BRINP1: variants seen among roughly 807,000 people sequenced by gnomAD.
BRINP1 encodes BMP/retinoic acid inducible neural specific 1.
In BRINP1, 17 loss-of-function variants were observed where a neutral mutation model predicts 72.9. The observed-to-expected ratio is 0.23, with a 90% confidence interval of 0.16 to 0.35. The LOEUF (loss-of-function observed/expected upper bound fraction) is 0.35, where lower values mean the gene tolerates loss of function less well. BRINP1 is among the 10% of genes least tolerant of loss of function. The pLI is 1.00. For synonymous variants in BRINP1, 418 were observed against 378.5 expected, an observed-to-expected ratio of 1.10 and a Z score of -1.21; for missense variants, 850 against 1,001.6, an observed-to-expected ratio of 0.85 and a Z score of 2.04.
At chr9:119,348,875 A>G (rs1221235443) in intron 1 of BRINP1, among the ~76,000 whole-genome samples, 3 of 152,220 alleles carry the variant, frequency 2.0e-5, no homozygotes, top group Non-Finnish European at 2.9e-5. Context: ...CAAACAAATC[A>G]AATCACTGAC....
chr9:119,318,141 C>G (rs528934172), intron 1 of BRINP1, among the ~76,000 whole-genome samples: 1 of 152,216 alleles, frequency 6.6e-6, no homozygotes, highest in Non-Finnish European at 1.5e-5. Context: ...AAACTAGCTA[C>G]TCTCGCTCAG....
intron 6 of BRINP1, among the ~76,000 whole-genome samples, chr9:119,212,105 A>T (rs1203852196): frequency 6.6e-6 from 1 of 152,026 alleles, no homozygotes; most frequent in Non-Finnish European, 1.5e-5. Context: ...GTACATTTCC[A>T]TCATGAACTT....
At chr9:119,169,559 C>G (rs1036304195) in intron 7 of BRINP1, among the ~76,000 whole-genome samples, 1 of 152,204 alleles carries the variant, frequency 6.6e-6, no homozygotes, top group South Asian at 2.1e-4. Flanking sequence ...GGGGGAGGGG[C>G]GCCCGCCATT....
intron 3 of BRINP1, 62 bp downstream of exon 3, chr9:119,248,898 C>T (rs1487131641): frequency 1.3e-5 from 19 of 1,436,658 alleles, no homozygotes; most frequent in South Asian, 2.5e-5. Context: ...ACATCCCACT[C>T]TCCCTTCCCA....
At chr9:119,243,115 TAA>T (rs1213301451) in intron 3 of BRINP1, among the ~76,000 whole-genome samples, 2 of 152,044 alleles carry the variant, frequency 1.3e-5, no homozygotes, top group Non-Finnish European at 2.9e-5. Context: ...GTTACATAGG[TAA>T]ACAAACGTAT....
In BRINP1 at chr9:119,367,177, C is replaced by T. The variant is rs10984509; in HGVS notation, c.-51+1879G>A. On this transcript the variant is annotated intron_variant, in intron 1 of 7. Coordinates refer to ENST00000265922, the MANE Select transcript of BRINP1 (RefSeq NM_014618.3). ...AAATACATGTTTGCTTTTATCTCTC[C>T]CCAGAATATGAACACATGTGTGTGT... Among the ~76,000 whole-genome samples the T allele has an allele frequency of 3.0e-4, 38 of 128,480 alleles. 1 individual carries two copies. In the East Asian group the frequency reaches 0.011, roughly 36 times the overall value. The allele number at this position is 128,480 out of a possible 152,430, so 84.3% of individuals were successfully genotyped here.
At chr9:119,175,119 TAAAAA>T (rs35857917) in intron 7 of BRINP1, among the ~76,000 whole-genome samples, 2 of 62,674 alleles carry the variant, frequency 3.2e-5, no homozygotes, top group Non-Finnish European at 3.7e-5. Context: ...AAGTAAAGTA[TAAAAA>T]AAAAAAAAGA....
intron 2 of BRINP1, among the ~76,000 whole-genome samples, chr9:119,257,096 A>G (rs1830453920): frequency 6.6e-6 from 1 of 152,236 alleles, no homozygotes; most frequent in Non-Finnish European, 1.5e-5. Context: ...AGTGTCTCTG[A>G]GCTTCCTTGC....
At chr9:119,198,580 C>A (rs950028946) in intron 7 of BRINP1, among the ~76,000 whole-genome samples, 1 of 152,098 alleles carries the variant, frequency 6.6e-6, no homozygotes, top group African/African-American at 2.4e-5. Context: ...CCAACAGAAA[C>A]ATCCACTTCT....
intron 7 of BRINP1, among the ~76,000 whole-genome samples, chr9:119,186,764 G>C (rs1829625743): frequency 6.6e-6 from 1 of 152,164 alleles, no homozygotes; most frequent in Non-Finnish European, 1.5e-5. Context: ...GCGCAGTAAA[G>C]CCAATATTGC....
At chr9:119,271,438 T>C (rs1309189485) in intron 2 of BRINP1, among the ~76,000 whole-genome samples, 1 of 152,174 alleles carries the variant, frequency 6.6e-6, no homozygotes, top group African/African-American at 2.4e-5. Flanking sequence ...ATTATGCAAC[T>C]ATCATTGATT....
chr9:119,357,590 T>C (rs777480011), intron 1 of BRINP1, among the ~76,000 whole-genome samples: 5 of 152,076 alleles, frequency 3.3e-5, no homozygotes, highest in Admixed American at 6.6e-5. Flanking sequence ...GGCTATGAAG[T>C]TGGCAGCCAG....
At chr9:119,239,219 C>A (rs551621461) in intron 4 of BRINP1, among the ~76,000 whole-genome samples, 1 of 152,166 alleles carries the variant, frequency 6.6e-6, no homozygotes, top group Non-Finnish European at 1.5e-5. Context: ...GGTCTAAACG[C>A]CTGGCACATG....
chr9:119,176,058 C>T (rs1829485108), intron 7 of BRINP1, among the ~76,000 whole-genome samples: 1 of 152,182 alleles, frequency 6.6e-6, no homozygotes, highest in Non-Finnish European at 1.5e-5. Flanking sequence ...GAAGGCTTAA[C>T]CCCAAACTTG....
At position 119,167,717 on chromosome 9, in the gene BRINP1, C is replaced by T. The variant is rs1019963286; in HGVS notation, c.1653G>A (p.Met551Ile). Residue 551 changes from methionine to isoleucine, a missense_variant, in exon 8 of 8, where the codon ATG becomes ATA. Met to Ile is a conservative substitution (Grantham distance 10, BLOSUM62 1). Transcript: ENST00000265922. This position sits in a 1 kb window ranked among gnomAD's most constrained non-coding sequence, Gnocchi z 4.3. ...ACATGGGGTCCAGGCTGCTGTTGCG[C>T]ATCTGGCAGATGCGCATGGACATGC... is the stretch of plus-strand genomic sequence containing the variant. ...VIGMSMRICQ[M>I]RNSSLDPMFF... The T allele has an allele frequency of 4.3e-6, 7 of 1,614,098 alleles. No individual in the cohort carries two copies. The highest frequency in any genetic ancestry group is 5.9e-6 in the Non-Finnish European group (7 of 1,180,010).
At chr9:119,186,768 A>G (rs1168406871) in intron 7 of BRINP1, among the ~76,000 whole-genome samples, 1 of 152,090 alleles carries the variant, frequency 6.6e-6, no homozygotes, top group Non-Finnish European at 1.5e-5. Flanking sequence ...AGTAAAGCCA[A>G]TATTGCACTG....
At chr9:119,323,599 A>G (rs993641609) in intron 1 of BRINP1, among the ~76,000 whole-genome samples, 2 of 152,210 alleles carry the variant, frequency 1.3e-5, no homozygotes, top group African/African-American at 2.4e-5. Flanking sequence ...TCCCAGAGAA[A>G]AAGGAAAACT....
intron 2 of BRINP1, among the ~76,000 whole-genome samples, chr9:119,297,665 T>C (rs1348924476): frequency 6.6e-6 from 1 of 152,216 alleles, no homozygotes; most frequent in Non-Finnish European, 1.5e-5. Context: ...GGTTCTGAAA[T>C]GAACCCTAAC....
At chr9:119,335,570 A>G (rs1307588115) in intron 1 of BRINP1, among the ~76,000 whole-genome samples, 1 of 152,074 alleles carries the variant, frequency 6.6e-6, no homozygotes, top group African/African-American at 2.4e-5. Flanking sequence ...CAGTGATTTG[A>G]TCAACAGGAA....
Sources: allele counts gnomAD v4.1 joint callset (sites outside exome capture counted in the v4.1 genomes callset), GRCh38; gene constraint gnomAD v4.1.1; non-coding constraint Gnocchi (gnomAD v3.1); transcripts MANE v1.5; gene names NCBI Gene and HGNC (gene_info 2026-07-23, HGNC 2026-07-21).